KIF6: variants seen among roughly 807,000 people sequenced by gnomAD.
KIF6 encodes kinesin family member 6, also known as kinesin-like protein KIF6.
In KIF6, 106 loss-of-function variants were observed where a neutral mutation model predicts 112.7. The ratio of observed to expected loss-of-function variants is 0.94; its 90% CI spans 0.80 to 1.11. KIF6 has a LOEUF of 1.11. KIF6 is among the 50% of genes least tolerant of loss of function. The pLI, the probability that KIF6 is intolerant of heterozygous loss-of-function variation, is 0.00. For missense variants in KIF6, 929 were observed against 964.0 expected (o/e 0.96, Z 0.48); for synonymous variants, 339 against 339.9 (o/e 1.00, Z 0.03).
intron 14 of KIF6, among the ~76,000 whole-genome samples, chr6:39,429,775 G>C (rs577188029): frequency 1.3e-5 from 2 of 152,190 alleles, no homozygotes; most frequent in South Asian, 4.2e-4. Flanking sequence ...AGGTGTGGTG[G>C]CGGGTGCCTG....
At chr6:39,563,139 G>A (rs781230562) in intron 10 of KIF6, among the ~76,000 whole-genome samples, 46 of 152,166 alleles carry the variant, frequency 3.0e-4, no homozygotes, top group Admixed American at 2.0e-4. Flanking sequence ...TACTAGGAAG[G>A]CTGAGGCAGA....
intron 14 of KIF6, among the ~76,000 whole-genome samples, chr6:39,422,504 C>T (rs760266026): frequency 4.6e-5 from 7 of 152,190 alleles, no homozygotes; most frequent in Non-Finnish European, 1.0e-4. Context: ...ACCATTTTCC[C>T]GTCACTCTGG....
intron 13 of KIF6, among the ~76,000 whole-genome samples, chr6:39,498,279 T>TAGA (rs1775902139): frequency 6.6e-6 from 1 of 152,204 alleles, no homozygotes; most frequent in South Asian, 2.1e-4. Flanking sequence ...TATCTCCCTC[T>TAGA]AGAATATCTC....
At chr6:39,391,288 C>A (rs180785031) in intron 15 of KIF6, among the ~76,000 whole-genome samples, 1 of 152,146 alleles carries the variant, frequency 6.6e-6, no homozygotes, top group Admixed American at 6.5e-5. Flanking sequence ...CAGCGCCATG[C>A]GGAACAGGGT....
At chr6:39,603,223 A>G (rs1313385345) in intron 6 of KIF6, among the ~76,000 whole-genome samples, 1 of 152,086 alleles carries the variant, frequency 6.6e-6, no homozygotes, top group Non-Finnish European at 1.5e-5. Flanking sequence ...CTGTCAGACA[A>G]TGGTGGCTTC....
rs1471935548 is a variant in KIF6 at position 39,362,436 on chromosome 6, T to C, written c.1944A>G (p.Arg648=). The C allele has an allele frequency of 3.1e-6, 5 of 1,612,858 alleles. No individual in the cohort carries two copies. The East Asian group carries it at 8.9e-5, about 29-fold the overall frequency. ...TGTGTGGCTAAAAGGAAGGGCACCTTCTCTTTTCTTCCTCCAGTTGTGATC... is the reference window on the plus strand; with the variant it reads ...TGTGTGGCTAAAAGGAAGGGCACCTCCTCTTTTCTTCCTCCAGTTGTGATC... ...KLRSQLEEEK[R]RYKTMFTRLK... The change falls in exon 17 of 23, where the codon AGA becomes AGG. Residue 648 remains arginine, a splice_region_variant and synonymous_variant. Coordinates refer to ENST00000287152, the MANE Select transcript of KIF6 (RefSeq NM_145027.6).
At chr6:39,502,623 A>C (rs1344225945) in intron 13 of KIF6, among the ~76,000 whole-genome samples, 1 of 152,238 alleles carries the variant, frequency 6.6e-6, no homozygotes, top group African/African-American at 2.4e-5. Flanking sequence ...AGACACATGC[A>C]GGCTCAAAAT....
intron 3 of KIF6, among the ~76,000 whole-genome samples, chr6:39,701,430 A>G (rs1237020445): frequency 1.3e-5 from 2 of 152,206 alleles, no homozygotes; most frequent in Non-Finnish European, 2.9e-5. Context: ...GCCAAATGCT[A>G]TTGCGTGGAT....
At chr6:39,542,040 G>A (rs1428975053) in intron 12 of KIF6, among the ~76,000 whole-genome samples, 2 of 152,128 alleles carry the variant, frequency 1.3e-5, no homozygotes, top group East Asian at 3.9e-4. Context: ...TAGCACACGT[G>A]GGACGAGGCA....
At position 39,634,944 on chromosome 6, in the gene KIF6, T is replaced by C. The variant is rs769003283; in HGVS notation, c.414A>G (p.Ile138Met). 23 of 1,602,804 alleles carry C rather than the reference T, an allele frequency of 1.4e-5. No individual in the cohort carries two copies. Among genetic ancestry groups the C allele is most frequent in the Non-Finnish European group, 2.0e-5 (23 of 1,170,144 alleles). Reference sequence around the variant, plus strand: ...CCAAATAGGAAATGTGTGTTGTATATATTTTGCTGCTGTCCTGATTGGAAA... The same window carrying C: ...CCAAATAGGAAATGTGTGTTGTATACATTTTGCTGCTGTCCTGATTGGAAA... ...FEQLQKDSSK[I>M]YTTHISYLEI... Residue 138 changes from isoleucine (I) to methionine (M), a missense_variant, in exon 5 of 23, where the codon ATA becomes ATG. By Grantham distance (10) the Ile-to-Met change is conservative. This residue lies in a region of KIF6 where 688 missense variants were observed against 662.7 expected (regional missense o/e 1.04). Transcript: ENST00000287152.
intron 5 of KIF6, among the ~76,000 whole-genome samples, chr6:39,621,762 A>C (rs1039449468): frequency 2.0e-5 from 3 of 152,320 alleles, no homozygotes; most frequent in African/African-American, 7.2e-5. Context: ...TATGAGAGGG[A>C]CTGTTTCACT....
intron 15 of KIF6, among the ~76,000 whole-genome samples, chr6:39,407,265 C>A (rs535911256): frequency 1.4e-4 from 21 of 152,280 alleles, no homozygotes; most frequent in African/African-American, 4.8e-4. Context: ...TACATTGCTT[C>A]ATAAGCTTCA....
At chr6:39,609,541 T>A (rs1783092946) in intron 6 of KIF6, among the ~76,000 whole-genome samples, 1 of 151,982 alleles carries the variant, frequency 6.6e-6, no homozygotes, top group Non-Finnish European at 1.5e-5. Context: ...CCTCATGGGG[T>A]CAACGGATCA....
intron 6 of KIF6, among the ~76,000 whole-genome samples, chr6:39,607,552 T>A (rs1582258324): frequency 6.6e-6 from 1 of 152,282 alleles, no homozygotes; most frequent in Admixed American, 6.5e-5. Flanking sequence ...TCTAGCTACT[T>A]ATCAGGGCCT....
At position 39,525,353 on chromosome 6, in the gene KIF6, C is replaced by T. The variant is rs568820739; in HGVS notation, c.1645+14650G>A. On this transcript the variant is annotated intron_variant, in intron 13 of 22. Coordinates refer to ENST00000287152, the MANE Select transcript of KIF6 (RefSeq NM_145027.6). ...ACGGGCAAGAGCTACTGTACTTGGG[C>T]CCCAGAAGTGTTTGAATGGAGGTTT... Among the ~76,000 whole-genome samples, 7 of 152,216 alleles carry T rather than the reference C, an allele frequency of 4.6e-5. No homozygotes were observed. In the South Asian group the frequency reaches 1.5e-3, roughly 32 times the overall value.
intron 13 of KIF6, among the ~76,000 whole-genome samples, chr6:39,489,758 C>T (rs1333717661): frequency 1.3e-5 from 2 of 152,102 alleles, no homozygotes; most frequent in South Asian, 2.1e-4. Flanking sequence ...TGAAACTACT[C>T]GATACAAACC....
chr6:39,406,794 G>A (rs1769118922), intron 15 of KIF6, among the ~76,000 whole-genome samples: 1 of 152,174 alleles, frequency 6.6e-6, no homozygotes, highest in Non-Finnish European at 1.5e-5. Context: ...TCTTACCCAG[G>A]CTGGAATGCA....
chr6:39,478,531 T>TA (rs1193411883), intron 13 of KIF6, among the ~76,000 whole-genome samples: 1 of 152,190 alleles, frequency 6.6e-6, no homozygotes, highest in Non-Finnish European at 1.5e-5. Context: ...TATAATGACT[T>TA]CTTTTCCTCT....
chr6:39,544,349 A>C (rs1353870233), intron 12 of KIF6, among the ~76,000 whole-genome samples: 1 of 152,250 alleles, frequency 6.6e-6, no homozygotes, highest in Non-Finnish European at 1.5e-5. Flanking sequence ...TGTCAGGATA[A>C]AAACAAACAC....
Sources: allele counts gnomAD v4.1 joint callset (sites outside exome capture counted in the v4.1 genomes callset), GRCh38; gene constraint gnomAD v4.1.1; regional missense constraint gnomAD v4.1.1; transcripts MANE v1.5; gene names NCBI Gene and HGNC (gene_info 2026-07-23, HGNC 2026-07-21).